The following WRAP53 variants were observed in gnomAD, a reference collection of about 807,000 sequenced individuals.
The protein encoded by WRAP53 is telomerase Cajal body protein 1.
Under a neutral mutation model 56.6 loss-of-function variants are expected in WRAP53, and 28 were observed. That is an observed-to-expected ratio of 0.50 (90% CI 0.37 to 0.68). WRAP53 has a LOEUF of 0.68. Among genes scored for constraint, WRAP53 ranks in the 30% least tolerant of loss-of-function variants. The probability of loss-of-function intolerance (pLI) is 0.00; values close to 1 mark genes in which losing one functional copy is unlikely to be tolerated. For missense variants in WRAP53, 671 were observed against 715.5 expected, an observed-to-expected ratio of 0.94 and a Z score of 0.71; for synonymous variants, 283 against 283.4, an observed-to-expected ratio of 1.00 and a Z score of 0.01.
intron 4 of WRAP53, among the ~76,000 whole-genome samples, chr17:7,691,312 G>A (rs2074105192): frequency 6.6e-6 from 1 of 152,024 alleles, no homozygotes; most frequent in Non-Finnish European, 1.5e-5. Context: ...AGAGGGGTGA[G>A]GACAGAGAAG....
intron 3 of WRAP53, 132 bp downstream of exon 3, chr17:7,689,454 T>C: frequency 7.9e-7 from 1 of 1,262,232 alleles, no homozygotes; most frequent in East Asian, 2.3e-5. Context: ...GAGCTTACAT[T>C]TTATCTAGCA....
chr17:7,699,493 T>TATATAA (rs1270106291), intron 4 of WRAP53, among the ~76,000 whole-genome samples: 2 of 11,850 alleles, frequency 1.7e-4, no homozygotes, highest in Admixed American at 1.3e-3. Context: ...TATATATATA[T>TATATAA]ATATATATTT....
intron 4 of WRAP53, among the ~76,000 whole-genome samples, chr17:7,697,105 G>A (rs1411837439): frequency 6.6e-6 from 1 of 152,228 alleles, no homozygotes; most frequent in East Asian, 1.9e-4. Flanking sequence ...TGGATCACCC[G>A]AGGTCAGGAG....
intron 4 of WRAP53, among the ~76,000 whole-genome samples, chr17:7,695,637 C>T (rs1298475175): frequency 2.6e-5 from 4 of 152,154 alleles, no homozygotes; most frequent in South Asian, 2.1e-4. Context: ...TTCTCTCTCC[C>T]GCTGACGACG....
chr17:7,703,271 A>G lies in WRAP53; in HGVS notation c.1432A>G (p.Thr478Ala), dbSNP rs760176224. The G allele has an allele frequency of 1.9e-6, 3 of 1,613,622 alleles. No individual in the cohort carries two copies. The South Asian group carries it at 3.3e-5, about 18-fold the overall frequency. The change falls in exon 11 of 11, where the codon ACT becomes GCT. Residue 478 changes from threonine to alanine, a missense_variant. Thr to Ala is a moderately conservative substitution (Grantham distance 58, BLOSUM62 0). Transcript: ENST00000396463. ...SLHPSLPLLA[T>A]ASGQRVFPEP... ...GCACCCTAGCCTGCCTCTCCTGGCC[A>G]CTGCCTCCGGTCAGCGTGTGTTTCC...
chr17:7,696,667 G>A (rs929339272), intron 4 of WRAP53, among the ~76,000 whole-genome samples: 41 of 152,134 alleles, frequency 2.7e-4, no homozygotes, highest in African/African-American at 9.7e-4. Context: ...GGGGTAGCAC[G>A]TGGTAATGGA....
chr17:7,691,632 C>T (rs982709025), intron 4 of WRAP53, among the ~76,000 whole-genome samples: 6 of 151,876 alleles, frequency 4.0e-5, no homozygotes, highest in Admixed American at 2.0e-4. Context: ...ACATTTGATC[C>T]GCCGGTCTCG....
In WRAP53 at chr17:7,688,744, G is replaced by A; in HGVS notation, c.96G>A (p.Met32Ile). 1.9e-6 allele frequency: 3 copies of A among 1,614,144 alleles called. No homozygotes were observed. The highest frequency in any genetic ancestry group is 2.5e-6 in the Non-Finnish European group (3 of 1,180,022). ...ATCCTTCTCCCCACGCTTCCCCGAT[G>A]AATAAAAATGCGGACTCTGAACTGA... ...PAHPSPHASP[M>I]NKNADSELMP... is the part of the protein sequence containing the mutation. The change falls in exon 2 of 11, where the codon ATG (methionine) becomes ATA (isoleucine). Residue 32 changes from methionine (M) to isoleucine (I), a missense_variant. Transcript: ENST00000396463.
chr17:7,690,749 T>C (rs1420990210), intron 4 of WRAP53, among the ~76,000 whole-genome samples: 1 of 139,814 alleles, frequency 7.2e-6, no homozygotes, highest in Non-Finnish European at 1.6e-5. Context: ...CCATCGCTAC[T>C]AAAAATACCA....
Position 7,701,707 on chromosome 17 carries a change from G to C in WRAP53, c.873G>C (p.Gln291His). ...HSLCFSPDGSQLFCGFNRTVR... is the reference protein window; with the variant it reads ...HSLCFSPDGSHLFCGFNRTVR... The stretch of plus-strand genomic sequence containing the variant: ...TCTGCTTCTCCCCGGATGGCTCCCA[G>C]CTCTTCTGTGGCTTCAACCGGACTG... The change falls in exon 7 of 11, where the codon CAG (glutamine) becomes CAC (histidine). Residue 291 changes from glutamine (Q) to histidine (H), a missense_variant. Gln to His is a conservative substitution (Grantham distance 24, BLOSUM62 0). Transcript: ENST00000396463. This position sits in a 1 kb window ranked among gnomAD's most constrained non-coding sequence, Gnocchi z 4.2. The C allele has an allele frequency of 6.2e-7, 1 of 1,614,228 alleles. No individual in the cohort carries two copies.
upstream of WRAP53, chr17:7,687,504 T>C: frequency 5.0e-6 from 2 of 398,682 alleles, no homozygotes; most frequent in Non-Finnish European, 4.4e-6. Flanking sequence ...CTCAAAACTT[T>C]TAGCGCCAGT....
Position 7,701,100 on chromosome 17 carries a change from G to A in WRAP53, c.731+271G>A, listed in dbSNP as rs573730186. Reference sequence around the variant, plus strand: ...TGATTCTCCTGCCTCAGCCTCCTGAGTAGCTGGGATTACAGGTGTGCACCA... The same window carrying A: ...TGATTCTCCTGCCTCAGCCTCCTGAATAGCTGGGATTACAGGTGTGCACCA... On this transcript the variant is annotated intron_variant, in intron 5 of 10. Coordinates refer to ENST00000396463, the MANE Select transcript of WRAP53 (RefSeq NM_001143992.2). The surrounding 1 kb of genome is among the most constrained non-coding windows in gnomAD (Gnocchi z 4.2). Among the ~76,000 whole-genome samples, 1 of 152,240 alleles carries A rather than the reference G, an allele frequency of 6.6e-6. No homozygotes were observed. The highest frequency in any genetic ancestry group is 2.4e-5 in the African/African-American group (1 of 41,546).
Position 7,701,680 on chromosome 17 carries a change from G to T in WRAP53, c.846G>T (p.Ser282=). ...AGGATGAGCTGACGGCAGCCCATTC[G>T]CTCTGCTTCTCCCCGGATGGCTCCC... ...NHLDELTAAH[S]LCFSPDGSQL... The change falls in exon 7 of 11, where the codon TCG becomes TCT. Residue 282 remains serine (S), a synonymous_variant. Coordinates refer to ENST00000396463, the MANE Select transcript of WRAP53 (RefSeq NM_001143992.2). This position sits in a 1 kb window ranked among gnomAD's most constrained non-coding sequence, Gnocchi z 4.2. 6.2e-7 allele frequency: 1 copy of T among 1,614,234 alleles called. No homozygotes were observed. Among genetic ancestry groups the T allele is most frequent in the Non-Finnish European group, 8.5e-7 (1 of 1,180,046 alleles).
chr17:7,701,650 C>T lies in WRAP53; in HGVS notation c.823-7C>T. 2 of 1,614,248 alleles carry T rather than the reference C, an allele frequency of 1.2e-6. No homozygotes were observed. The highest frequency in any genetic ancestry group is 1.7e-6 in the Non-Finnish European group (2 of 1,180,052). ...AAGACCTGTTTTCAGCCCTTTCCTT[C>T]CCCCAGGATGAGCTGACGGCAGCCC... On this transcript the variant is annotated splice_polypyrimidine_tract_variant and splice_region_variant and intron_variant, in intron 6 of 10. Transcript: ENST00000396463. This position sits in a 1 kb window ranked among gnomAD's most constrained non-coding sequence, Gnocchi z 4.2.
At chr17:7,689,129 G>A (rs1376809139) in intron 2 of WRAP53, 50 bp downstream of exon 2, 2 of 1,613,810 alleles carry the variant, frequency 1.2e-6, no homozygotes, top group Admixed American at 1.7e-5. Flanking sequence ...TGAAGTGTGA[G>A]GTCGATCTGT....
At position 7,701,916 on chromosome 17, in the gene WRAP53, G is replaced by A. The variant is rs1463397764; in HGVS notation, c.955+127G>A. ...CCTCTGTACGGCCCCGGGAGCAGGTGCAGCCCAGTCGGCAGAGGAGCAAAC... is the reference window on the plus strand; with the variant it reads ...CCTCTGTACGGCCCCGGGAGCAGGTACAGCCCAGTCGGCAGAGGAGCAAAC... On this transcript the variant is annotated intron_variant, in intron 7 of 10. Coordinates refer to ENST00000396463, the MANE Select transcript of WRAP53 (RefSeq NM_001143992.2). This position sits in a 1 kb window ranked among gnomAD's most constrained non-coding sequence, Gnocchi z 4.2. The A allele has an allele frequency of 6.8e-7, 1 of 1,479,214 alleles. No homozygotes were observed. The highest frequency in any genetic ancestry group is 9.1e-7 in the Non-Finnish European group (1 of 1,093,434). 91.6% of individuals were successfully genotyped at this position (1,479,214 alleles called of 1,614,324 possible). A position where few individuals can be genotyped will look rare whatever the true frequency, so the allele number is the denominator to read the frequency against.
chr17:7,693,679 C>A (rs1337597234), intron 4 of WRAP53, among the ~76,000 whole-genome samples: 1 of 151,990 alleles, frequency 6.6e-6, no homozygotes, highest in Non-Finnish European at 1.5e-5. Context: ...GATCGCACCA[C>A]TGCACTCCAG....
rs747025088 is a variant in WRAP53 at position 7,702,989 on chromosome 17, G to A, written c.1269-4G>A. ...TGCCAGCAAATCTCTCCTCTCTCTC[G>A]CAGGACCGGGCAGTTCCTAGTGAGT... On this transcript the variant is annotated splice_region_variant and splice_polypyrimidine_tract_variant and intron_variant, in intron 9 of 10. Transcript: ENST00000396463. The surrounding 1 kb of genome is among the most constrained non-coding windows in gnomAD (Gnocchi z 5.0). The A allele has an allele frequency of 1.1e-5, 17 of 1,613,554 alleles. No individual in the cohort carries two copies. The highest frequency in any genetic ancestry group is 8.0e-5 in the African/African-American group (6 of 74,886).
In WRAP53 at chr17:7,688,714, A is replaced by G. The variant is rs1400920750; in HGVS notation, c.66A>G (p.Pro22=). The change falls in exon 2 of 11, where the codon CCA becomes CCG. Residue 22 remains proline, a synonymous_variant. Transcript: ENST00000396463. ...GTCCTTCAGACCAGGACCCAGCTCC[A>G]GCCCATCCTTCTCCCCACGCTTCCC... The part of the protein sequence containing the change: ...DCCPSDQDPA[P]AHPSPHASPM... 4 of 1,614,068 alleles carry G rather than the reference A, an allele frequency of 2.5e-6. No individual in the cohort carries two copies. In the African/African-American group the frequency reaches 5.3e-5, roughly 22 times the overall value.
Sources: gnomAD v4.1 joint callset for allele counts (sites outside exome capture counted in the v4.1 genomes callset) on GRCh38, gnomAD v4.1.1 for gene constraint, Gnocchi (gnomAD v3.1) non-coding constraint, MANE v1.5 for transcripts, NCBI Gene and HGNC (gene_info 2026-07-23, HGNC 2026-07-21) for gene names.